KIF6: variants seen among roughly 807,000 people sequenced by gnomAD.
The protein encoded by KIF6 is kinesin-like protein KIF6.
A neutral mutation model predicts 112.7 loss-of-function variants in KIF6; 106 were observed. The ratio of observed to expected loss-of-function variants is 0.94; its 90% CI spans 0.80 to 1.11. The LOEUF is 1.11. Among genes scored for constraint, KIF6 ranks in the 50% least tolerant of loss-of-function variants. The pLI is 0.00. For synonymous variants in KIF6, 339 were observed against 339.9 expected (o/e 1.00, Z 0.03); for missense variants, 929 against 964.0 (o/e 0.96, Z 0.48).
Position 39,612,803 on chromosome 6 carries a change from A to G in KIF6, c.639+386T>C, listed in dbSNP as rs192450113. On this transcript the variant is annotated intron_variant, in intron 6 of 22. Transcript: ENST00000287152. Reference sequence around the variant, plus strand: ...TCAGGTTAGGAAAAATGGACTGAGTATTTTTAAATTTTAGAAAATATGCAA... The same window carrying G: ...TCAGGTTAGGAAAAATGGACTGAGTGTTTTTAAATTTTAGAAAATATGCAA... Among the ~76,000 whole-genome samples the G allele has an allele frequency of 7.0e-4, 107 of 152,376 alleles. 1 individual carries two copies. Among genetic ancestry groups the G allele is most frequent in the Admixed American group, 6.8e-3 (104 of 15,302 alleles).
chr6:39,641,933 G>A (rs1784922555), intron 3 of KIF6, among the ~76,000 whole-genome samples: 1 of 152,058 alleles, frequency 6.6e-6, no homozygotes, highest in African/African-American at 2.4e-5. Flanking sequence ...AATAAAAAGG[G>A]TAAGGCTTGA....
chr6:39,578,766 T>C (rs1781126802), intron 9 of KIF6, among the ~76,000 whole-genome samples: 2 of 152,216 alleles, frequency 1.3e-5, no homozygotes, highest in Non-Finnish European at 2.9e-5. Flanking sequence ...TTTTCATACA[T>C]TTACTCCATA....
At chr6:39,483,136 A>T (rs1176458098) in intron 13 of KIF6, among the ~76,000 whole-genome samples, 1 of 152,222 alleles carries the variant, frequency 6.6e-6, no homozygotes, top group African/African-American at 2.4e-5. Flanking sequence ...TTAAAAGAAA[A>T]TATTCAGCCG....
intron 5 of KIF6, among the ~76,000 whole-genome samples, chr6:39,629,897 C>A (rs1195291783): frequency 1.3e-5 from 2 of 151,968 alleles, no homozygotes; most frequent in Non-Finnish European, 2.9e-5. Context: ...TCACTTTTTT[C>A]ATGTGTGCAT....
At chr6:39,626,134 G>A (rs997671757) in intron 5 of KIF6, among the ~76,000 whole-genome samples, 1 of 152,172 alleles carries the variant, frequency 6.6e-6, no homozygotes, top group Admixed American at 6.5e-5. Context: ...TGAATCCCCA[G>A]ATTGAAATCA....
intron 13 of KIF6, among the ~76,000 whole-genome samples, chr6:39,456,206 G>T: frequency 3.0e-4 from 1 of 3,306 alleles, no homozygotes; most frequent in Non-Finnish European, 5.3e-4. Context: ...AGAGAGTGGG[G>T]GCCAATATTC....
chr6:39,479,127 T>G (rs552347572), intron 13 of KIF6, among the ~76,000 whole-genome samples: 1 of 152,262 alleles, frequency 6.6e-6, no homozygotes, highest in Non-Finnish European at 1.5e-5. Context: ...TATTTATCTT[T>G]GTTTTTGTTG....
chr6:39,630,644 T>C (rs1035160253), intron 5 of KIF6, among the ~76,000 whole-genome samples: 3 of 152,026 alleles, frequency 2.0e-5, no homozygotes, highest in Non-Finnish European at 2.9e-5. Context: ...TTGTATTTCT[T>C]TCTTCCCAAT....
chr6:39,512,483 C>G (rs115765614), intron 13 of KIF6, among the ~76,000 whole-genome samples: 2,274 of 152,292 alleles, frequency 0.015, 37 homozygotes, highest in Admixed American at 0.03. Context: ...GGCTGCACAT[C>G]ATAGCCTTGG....
chr6:39,565,457 T>G (rs1261392087), intron 10 of KIF6, among the ~76,000 whole-genome samples: 3 of 152,170 alleles, frequency 2.0e-5, no homozygotes, highest in Non-Finnish European at 4.4e-5. Flanking sequence ...AATCTCCATT[T>G]TCCGCAAGCC....
chr6:39,564,327 A>T (rs111806108), intron 10 of KIF6, among the ~76,000 whole-genome samples: 1 of 152,244 alleles, frequency 6.6e-6, no homozygotes, highest in Non-Finnish European at 1.5e-5. Context: ...ATAAACACAG[A>T]GGGAACCACT....
chr6:39,529,348 A>G (rs1464350835), intron 13 of KIF6, among the ~76,000 whole-genome samples: 1 of 152,236 alleles, frequency 6.6e-6, no homozygotes, highest in Non-Finnish European at 1.5e-5. Flanking sequence ...AACAATGTAA[A>G]CAACAGAGAG....
chr6:39,417,794 A>C (rs1202667379), intron 15 of KIF6, among the ~76,000 whole-genome samples: 1 of 152,176 alleles, frequency 6.6e-6, no homozygotes, highest in Non-Finnish European at 1.5e-5. Flanking sequence ...TCATTAGTCT[A>C]TTTCATTAAT....
At chr6:39,681,134 ACT>A (rs1441093738) in intron 3 of KIF6, among the ~76,000 whole-genome samples, 1 of 152,162 alleles carries the variant, frequency 6.6e-6, no homozygotes, top group Non-Finnish European at 1.5e-5. Context: ...ATAAAAAATA[ACT>A]CAAGACATTT....
chr6:39,626,535 G>A (rs1784104667), intron 5 of KIF6, among the ~76,000 whole-genome samples: 1 of 152,260 alleles, frequency 6.6e-6, no homozygotes, highest in African/African-American at 2.4e-5. Context: ...CACAATCTCT[G>A]TGAACCTCAG....
At chr6:39,402,888 C>G (rs547819743) in intron 15 of KIF6, among the ~76,000 whole-genome samples, 1 of 152,168 alleles carries the variant, frequency 6.6e-6, no homozygotes, top group Non-Finnish European at 1.5e-5. Context: ...GCCCAAAGTC[C>G]TCATCGTAGA....
intron 15 of KIF6, among the ~76,000 whole-genome samples, chr6:39,400,925 T>G (rs956929940): frequency 6.6e-6 from 1 of 152,240 alleles, no homozygotes; most frequent in Non-Finnish European, 1.5e-5. Context: ...GAATCTGTTT[T>G]CTAAGGATTG....
At chr6:39,395,294 T>C (rs16892032) in intron 15 of KIF6, among the ~76,000 whole-genome samples, 20,848 of 152,226 alleles carry the variant, frequency 0.14, 1,814 homozygotes, top group African/African-American at 0.23. Context: ...GATACTATTA[T>C]ATAAACAGAT....
intron 13 of KIF6, among the ~76,000 whole-genome samples, chr6:39,446,130 G>A (rs1209681281): frequency 6.6e-6 from 1 of 152,206 alleles, no homozygotes; most frequent in Non-Finnish European, 1.5e-5. Context: ...TTGAGTGCTG[G>A]TTTCGACTAC....
Sources: gnomAD v4.1 joint callset for allele counts (sites outside exome capture counted in the v4.1 genomes callset) on GRCh38, gnomAD v4.1.1 for gene constraint, MANE v1.5 for transcripts, NCBI Gene and HGNC (gene_info 2026-07-23, HGNC 2026-07-21) for gene names.